Variants in DPP6 observed in about 807,000 individuals in gnomAD.
DPP6 encodes dipeptidyl peptidase like 6.
In DPP6, 69 loss-of-function variants were observed where a neutral mutation model predicts 122.6. That is an observed-to-expected ratio of 0.56 (90% CI 0.46 to 0.69). The LOEUF is 0.69. Ranked by LOEUF, DPP6 falls within the 30% of genes least tolerant of loss-of-function variation. The pLI is 0.00. For synonymous variants in DPP6, 418 were observed against 433.1 expected, an observed-to-expected ratio of 0.97 and a Z score of 0.43; for missense variants, 928 against 1,116.9, an observed-to-expected ratio of 0.83 and a Z score of 2.41.
At chr7:154,140,622 G>A (rs1795797138) in intron 1 of DPP6, among the ~76,000 whole-genome samples, 1 of 152,106 alleles carries the variant, frequency 6.6e-6, no homozygotes, top group Non-Finnish European at 1.5e-5. Context: ...CACCCAGCCA[G>A]GAATCCTTTA....
intron 1 of DPP6, among the ~76,000 whole-genome samples, chr7:154,151,330 G>A (rs1168620143): frequency 6.6e-6 from 1 of 152,174 alleles, no homozygotes; most frequent in Non-Finnish European, 1.5e-5. Flanking sequence ...CGGGCTTTCT[G>A]TTCCTGGACT....
chr7:153,876,919 T>C, the DPP6 span, among the ~76,000 whole-genome samples: 4 of 152,026 alleles, frequency 2.6e-5, no homozygotes, highest in Non-Finnish European at 5.9e-5. Flanking sequence ...AAAGTAAAAT[T>C]ATGGCATAAG....
chr7:154,402,212 T>G (rs1815679402), intron 1 of DPP6, among the ~76,000 whole-genome samples: 1 of 151,642 alleles, frequency 6.6e-6, no homozygotes, highest in Admixed American at 6.6e-5. Flanking sequence ...GATCTAGAAC[T>G]AGAAATACCA....
chr7:153,773,264 CGTGTGTGTGTGT>C, the DPP6 span, among the ~76,000 whole-genome samples: 3 of 132,458 alleles, frequency 2.3e-5, no homozygotes, highest in Non-Finnish European at 4.8e-5. Flanking sequence ...TCTTTTCTTT[CGTGTGTGTGTGT>C]GTGTGTGTGT....
chr7:154,653,389 T>C (rs1837008540), intron 6 of DPP6, among the ~76,000 whole-genome samples: 1 of 152,140 alleles, frequency 6.6e-6, no homozygotes, highest in African/African-American at 2.4e-5. Context: ...TGATAAATGA[T>C]AGATAGATGA....
At chr7:154,617,710 A>G (rs1360183575) in intron 5 of DPP6, among the ~76,000 whole-genome samples, 2 of 152,228 alleles carry the variant, frequency 1.3e-5, no homozygotes, top group East Asian at 3.8e-4. Flanking sequence ...GTATTACTAG[A>G]GAAATAAGCA....
chr7:154,761,295 C>T (rs1049298146), intron 8 of DPP6, among the ~76,000 whole-genome samples: 5 of 152,216 alleles, frequency 3.3e-5, no homozygotes, highest in East Asian at 1.9e-4. Context: ...TGCTCACTCA[C>T]GCGTCCATGG....
At chr7:154,041,399 A>G (rs1324514486) in intron 1 of DPP6, among the ~76,000 whole-genome samples, 2 of 152,254 alleles carry the variant, frequency 1.3e-5, no homozygotes, top group Non-Finnish European at 1.5e-5. Context: ...GGTTAGGTAC[A>G]TAAAAGAAGT....
At chr7:154,349,034 A>G (rs1312687316) in intron 1 of DPP6, among the ~76,000 whole-genome samples, 1 of 152,198 alleles carries the variant, frequency 6.6e-6, no homozygotes, top group Non-Finnish European at 1.5e-5. Context: ...ACACCTTCCA[A>G]CTGGGCAGAG....
At chr7:154,621,864 T>C (rs75698783) in intron 5 of DPP6, among the ~76,000 whole-genome samples, 1,627 of 152,228 alleles carry the variant, frequency 0.011, 25 homozygotes, top group African/African-American at 0.037. Context: ...CACTGGCACA[T>C]GAGTCCATAG....
intron 6 of DPP6, among the ~76,000 whole-genome samples, chr7:154,652,235 A>C (rs1204093035): frequency 6.6e-6 from 1 of 151,754 alleles, no homozygotes; most frequent in African/African-American, 2.4e-5. Context: ...CATTAGCCAT[A>C]GCATCAAAAT....
intron 1 of DPP6, among the ~76,000 whole-genome samples, chr7:153,911,893 C>T (rs1382162742): frequency 6.6e-6 from 1 of 152,130 alleles, no homozygotes; most frequent in African/African-American, 2.4e-5. Flanking sequence ...CAATGGCTGT[C>T]CATTAAAATC....
At chr7:154,633,267 C>T (rs1366494753) in intron 5 of DPP6, among the ~76,000 whole-genome samples, 4 of 151,972 alleles carry the variant, frequency 2.6e-5, no homozygotes, top group Admixed American at 6.6e-5. Context: ...GATGAAGTCT[C>T]GCTCTGTGGC....
chr7:154,814,632 C>CT (rs1299400263), intron 16 of DPP6, among the ~76,000 whole-genome samples: 1 of 152,196 alleles, frequency 6.6e-6, no homozygotes, highest in Non-Finnish European at 1.5e-5. Context: ...TTACCGCAAT[C>CT]TGGATGGTTT....
At chr7:154,063,940 C>T (rs190533507) in intron 1 of DPP6, among the ~76,000 whole-genome samples, 2 of 151,774 alleles carry the variant, frequency 1.3e-5, no homozygotes, top group African/African-American at 4.8e-5. Flanking sequence ...GGACAGAGCA[C>T]AGCTAGAGCA....
intron 1 of DPP6, among the ~76,000 whole-genome samples, chr7:153,892,583 T>C (rs903828383): frequency 6.6e-6 from 1 of 152,112 alleles, no homozygotes; most frequent in Non-Finnish European, 1.5e-5. Flanking sequence ...CAAAGTGCTG[T>C]GAGCCACCTC....
intron 1 of DPP6, among the ~76,000 whole-genome samples, chr7:154,301,055 T>C (rs1375175231): frequency 1.3e-5 from 2 of 152,212 alleles, no homozygotes; most frequent in Admixed American, 6.5e-5. Flanking sequence ...AGTTCTGCTG[T>C]GACTTACTTG....
chr7:153,893,176 A>G (rs1392080244), intron 1 of DPP6, among the ~76,000 whole-genome samples: 1 of 152,212 alleles, frequency 6.6e-6, no homozygotes, highest in African/African-American at 2.4e-5. Context: ...AGCTCTGTTT[A>G]GTTCTTTAGT....
rs182943943 is a variant in DPP6, at chr7:154,859,990, A to G, written c.1714+6163A>G. 5.1e-3 allele frequency among the ~76,000 whole-genome samples: 776 copies of G among 152,234 alleles called. 8 individuals are homozygous for G. The highest frequency in any genetic ancestry group is 0.018 in the African/African-American group (746 of 41,528). ...CTGCAAGCGCATGTGGGAGCTTGGGATCACTAGGCAGCCTGGTTCCCACTC... is the reference window on the plus strand; with the variant it reads ...CTGCAAGCGCATGTGGGAGCTTGGGGTCACTAGGCAGCCTGGTTCCCACTC... On this transcript the variant is annotated intron_variant, in intron 17 of 25. Coordinates refer to ENST00000377770, the MANE Select transcript of DPP6 (RefSeq NM_130797.4).
Sources: allele counts gnomAD v4.1 joint callset (sites outside exome capture counted in the v4.1 genomes callset), GRCh38; gene constraint gnomAD v4.1.1; transcripts MANE v1.5; gene names NCBI Gene and HGNC (gene_info 2026-07-23, HGNC 2026-07-21).